The following FAM13B variants were observed in gnomAD, a reference collection of about 807,000 sequenced individuals.
FAM13B encodes family with sequence similarity 13 member B, also known as protein FAM13B.
A neutral mutation model predicts 117.3 loss-of-function variants in FAM13B; 60 were observed. The ratio of observed to expected loss-of-function variants is 0.51; its 90% CI spans 0.42 to 0.63. The LOEUF (loss-of-function observed/expected upper bound fraction) is 0.63, where lower values mean the gene tolerates loss of function less well. Among genes scored for constraint, FAM13B ranks in the 30% least tolerant of loss-of-function variants. The pLI is 0.00. For missense variants in FAM13B, 972 were observed against 1,091.9 expected (o/e 0.89, Z 1.55); for synonymous variants, 332 against 356.1 (o/e 0.93, Z 0.76).
In FAM13B at chr5:137,942,997, A is replaced by C; in HGVS notation, c.2466T>G (p.Gly822=). 6.2e-7 allele frequency: 1 copy of C among 1,613,402 alleles called. No homozygotes were observed. Among genetic ancestry groups the C allele is most frequent in the Non-Finnish European group, 8.5e-7 (1 of 1,179,860 alleles). Residue 822 remains glycine, a synonymous_variant, in exon 22 of 24, where the codon GGT becomes GGG. Transcript: ENST00000689681. ...CCTGTACTGCAGTTTTCAACATATC[A>C]CCTAACTCAGAGGACAGATTAACAC... ...EDGVNLSSEL[G]DMLKTAVQVQ... is the part of the protein sequence containing the mutation.
At chr5:137,954,692 T>G (rs575375846) in intron 14 of FAM13B, 182 of 161,514 alleles carry the variant, frequency 1.1e-3, no homozygotes, top group African/African-American at 4.1e-3. Flanking sequence ...GGTGGCTCAC[T>G]GCAGCCTCGA....
At chr5:137,943,913 G>A (rs968490372) in intron 20 of FAM13B, among the ~76,000 whole-genome samples, 4 of 151,970 alleles carry the variant, frequency 2.6e-5, no homozygotes, top group African/African-American at 9.7e-5. Flanking sequence ...CTTTTAAAAT[G>A]TATAATTTGG....
intron 11 of FAM13B, among the ~76,000 whole-genome samples, 171 bp downstream of exon 11, chr5:137,962,234 C>T (rs4835738): frequency 0.74 from 112,433 of 152,008 alleles, 42,226 homozygotes; most frequent in East Asian, 0.97. Flanking sequence ...CAAATCCAAA[C>T]ATTTATGGGT....
At chr5:137,958,913 T>C (rs564734935) in intron 13 of FAM13B, among the ~76,000 whole-genome samples, 3 of 152,298 alleles carry the variant, frequency 2.0e-5, no homozygotes, top group African/African-American at 7.2e-5. Flanking sequence ...TATCAGTAAA[T>C]TTCCCCATAA....
At chr5:138,001,134 A>C (rs4835664) in intron 7 of FAM13B, among the ~76,000 whole-genome samples, 29 of 151,900 alleles carry the variant, frequency 1.9e-4, no homozygotes, top group African/African-American at 5.6e-4. Context: ...AGTTTGAGAA[A>C]TGCTAACTTA....
At chr5:138,018,928 T>C (rs1489416847) in intron 3 of FAM13B, 27 bp downstream of exon 3, 1 of 1,559,602 alleles carries the variant, frequency 6.4e-7, no homozygotes, top group Non-Finnish European at 8.7e-7. Flanking sequence ...AAACAAAAGC[T>C]AGCCCTCAAA....
intron 7 of FAM13B, among the ~76,000 whole-genome samples, chr5:137,993,993 T>A (rs1161670340): frequency 6.6e-6 from 1 of 152,136 alleles, no homozygotes; most frequent in Non-Finnish European, 1.5e-5. Flanking sequence ...TAAAGTTTAA[T>A]AAAATTTCCA....
chr5:137,997,370 G>A (rs1261948819), intron 7 of FAM13B, among the ~76,000 whole-genome samples: 1 of 152,124 alleles, frequency 6.6e-6, no homozygotes, highest in Non-Finnish European at 1.5e-5. Flanking sequence ...TTGGGAGGCT[G>A]AGGCAGGAGA....
intron 10 of FAM13B, among the ~76,000 whole-genome samples, chr5:137,966,488 TAGAGAG>T (rs57142324): frequency 0.04 from 1,187 of 29,400 alleles, 24 homozygotes; most frequent in Admixed American, 0.066. Flanking sequence ...TATATATATA[TAGAGAG>T]AGAGAGAGAG....
intron 20 of FAM13B, 49 bp downstream of exon 20, chr5:137,945,846 TGGGAAGA>T: frequency 7.8e-7 from 1 of 1,286,458 alleles, no homozygotes; most frequent in South Asian, 1.3e-5. Context: ...TAATTTTTTT[TGGGAAGA>T]GTACATCTTG....
chr5:137,987,649 C>T, intron 8 of FAM13B, 33 bp from the exon 9 acceptor site: 1 of 1,589,728 alleles, frequency 6.3e-7, no homozygotes. Context: ...AAGAAGCAGT[C>T]ACTCTAACTG....
At chr5:138,036,847 G>GT (rs1012060334), upstream of FAM13B, 73 of 324,158 alleles carry the variant, frequency 2.3e-4, no homozygotes, top group South Asian at 3.0e-4. Flanking sequence ...GACATTTTTG[G>GT]TTTTTTTTTA....
chr5:137,965,577 T>C (rs1769463042), intron 10 of FAM13B, among the ~76,000 whole-genome samples: 1 of 152,190 alleles, frequency 6.6e-6, no homozygotes. Flanking sequence ...TTCTATTAAA[T>C]AGGCTACATA....
chr5:137,952,934 G>A (rs925263172), intron 16 of FAM13B, among the ~76,000 whole-genome samples: 2 of 152,028 alleles, frequency 1.3e-5, no homozygotes, highest in African/African-American at 4.8e-5. Flanking sequence ...CCAAGTACAG[G>A]ACTCTTTCCA....
At chr5:138,026,900 T>C (rs973756467) in intron 1 of FAM13B, among the ~76,000 whole-genome samples, 3 of 150,454 alleles carry the variant, frequency 2.0e-5, no homozygotes, top group Admixed American at 6.6e-5. Flanking sequence ...GATCGCGCCA[T>C]TGCACTCCAG....
chr5:137,983,176 T>TAAAAAAAAA (rs56880991), intron 10 of FAM13B, among the ~76,000 whole-genome samples: 2 of 75,118 alleles, frequency 2.7e-5, no homozygotes, highest in African/African-American at 1.1e-4. Flanking sequence ...CCAGTGTAGG[T>TAAAAAAAAA]AAAAAAAAAA....
chr5:137,977,107 T>TG (rs917442617), intron 10 of FAM13B, among the ~76,000 whole-genome samples: 45 of 152,220 alleles, frequency 3.0e-4, no homozygotes, highest in African/African-American at 9.4e-4. Flanking sequence ...ATGGCCTCCT[T>TG]GGGTGTGGCC....
chr5:137,974,619 TAAAAAAAAGA>T (rs1406284084), intron 10 of FAM13B, among the ~76,000 whole-genome samples: 4 of 60,344 alleles, frequency 6.6e-5, no homozygotes, highest in Admixed American at 5.4e-4. Flanking sequence ...TAATAATAAA[TAAAAAAAAGA>T]AAAAAAAAGA....
intron 10 of FAM13B, among the ~76,000 whole-genome samples, chr5:137,979,072 G>C (rs540206507): frequency 6.6e-6 from 1 of 150,980 alleles, no homozygotes; most frequent in Non-Finnish European, 1.5e-5. Context: ...GAGTGCAGTG[G>C]CATAATCTCA....
Sources: allele counts gnomAD v4.1 joint callset (sites outside exome capture counted in the v4.1 genomes callset), GRCh38; gene constraint gnomAD v4.1.1; transcripts MANE v1.5; gene names NCBI Gene and HGNC (gene_info 2026-07-23, HGNC 2026-07-21).